SEMA4A: variants seen among roughly 807,000 people sequenced by gnomAD.
The protein encoded by SEMA4A is semaphorin 4A, also known as semaphorin-4A.
In SEMA4A, 52 loss-of-function variants were observed where a neutral mutation model predicts 72.5. That is an observed-to-expected ratio of 0.72 (90% confidence interval 0.57 to 0.90). The LOEUF (loss-of-function observed/expected upper bound fraction) is 0.90. SEMA4A is among the 40% of genes least tolerant of loss of function. SEMA4A has a pLI of 0.00. For synonymous variants in SEMA4A, 369 were observed against 393.1 expected (o/e 0.94, Z 0.73); for missense variants, 926 against 959.7 (o/e 0.96, Z 0.46).
intron 2 of SEMA4A, 161 bp from the exon 3 acceptor site, chr1:156,156,253 T>C: frequency 1.4e-6 from 1 of 698,606 alleles, no homozygotes; most frequent in East Asian, 2.8e-5. Flanking sequence ...TGTGTTGGGG[T>C]GGGGTGAAGG....
intron 6 of SEMA4A, 60 bp from the exon 7 acceptor site, chr1:156,160,383 G>A: frequency 7.6e-7 from 1 of 1,319,152 alleles, no homozygotes; most frequent in Non-Finnish European, 1.1e-6. Flanking sequence ...AGGCAGGTCT[G>A]TGGAGGGCAG....
At chr1:156,173,100 A>C in intron 11 of SEMA4A, 94 bp downstream of exon 11, 1 of 1,261,876 alleles carries the variant, frequency 7.9e-7, no homozygotes, top group Non-Finnish European at 1.1e-6. Flanking sequence ...TCACTTATTC[A>C]TTCAACAACT....
chr1:156,177,210 C>T lies in SEMA4A; in HGVS notation c.*213C>T. 1.6e-6 allele frequency: 1 copy of T among 634,138 alleles called. No homozygotes were observed. Among genetic ancestry groups the T allele is most frequent in the Admixed American group, 2.3e-5 (1 of 42,912 alleles). The allele number at this position is 634,138 out of a possible 1,614,324, so 39.3% of individuals were successfully genotyped here. A position where few individuals can be genotyped will look rare whatever the true frequency, so the allele number is the denominator to read the frequency against. ...GACTCCCTTCTACCAAGCACATGAG[C>T]TCTCTAACAGGGTGGGGGCTACCCC... On this transcript the variant is annotated 3_prime_UTR_variant, in exon 15 of 15. Transcript: ENST00000368285.
At chr1:156,163,779 G>A (rs1398169880) in intron 10 of SEMA4A, among the ~76,000 whole-genome samples, 1 of 145,684 alleles carries the variant, frequency 6.9e-6, no homozygotes, top group Non-Finnish European at 1.5e-5. Context: ...GCTCATGCCT[G>A]TAATCCCAGC....
At chr1:156,169,218 C>T (rs1654462809) in intron 10 of SEMA4A, among the ~76,000 whole-genome samples, 1 of 152,090 alleles carries the variant, frequency 6.6e-6, no homozygotes, top group South Asian at 2.1e-4. Context: ...TTTAGGAATC[C>T]TGCCTTCCAA....
chr1:156,161,127 G>T, intron 8 of SEMA4A, 98 bp downstream of exon 8: 4 of 1,330,360 alleles, frequency 3.0e-6, no homozygotes, highest in Non-Finnish European at 4.2e-6. Context: ...GAGAGCGGGG[G>T]AGCGGGGCGG....
At chr1:156,158,955 T>A in intron 6 of SEMA4A, 131 bp downstream of exon 6, 1 of 792,300 alleles carries the variant, frequency 1.3e-6, no homozygotes, top group African/African-American at 1.7e-5. Flanking sequence ...TGGTCCCAGT[T>A]ATTTGGAAGC....
At chr1:156,171,302 C>A (rs1383905321) in intron 10 of SEMA4A, among the ~76,000 whole-genome samples, 1 of 152,182 alleles carries the variant, frequency 6.6e-6, no homozygotes, top group Non-Finnish European at 1.5e-5. Flanking sequence ...GTCCCAGAGC[C>A]ACAGCATCCT....
At chr1:156,168,540 G>GTTC (rs556071844) in intron 10 of SEMA4A, among the ~76,000 whole-genome samples, 2 of 151,846 alleles carry the variant, frequency 1.3e-5, no homozygotes, top group African/African-American at 2.4e-5. Flanking sequence ...GTTTTTGTTG[G>GTTC]TTCTTCTTCT....
At chr1:156,156,267 G>A in intron 2 of SEMA4A, 147 bp from the exon 3 acceptor site, 1 of 739,830 alleles carries the variant, frequency 1.4e-6, no homozygotes, top group South Asian at 1.5e-5. Flanking sequence ...GTGAAGGGAA[G>A]AACTGCTGGT....
chr1:156,174,556 A>T (rs1655119761), intron 11 of SEMA4A, among the ~76,000 whole-genome samples: 1 of 152,200 alleles, frequency 6.6e-6, no homozygotes, highest in Admixed American at 6.5e-5. Flanking sequence ...CCACTGTTTC[A>T]TGCCTATGGA....
intron 10 of SEMA4A, among the ~76,000 whole-genome samples, chr1:156,168,878 C>A (rs1654435080): frequency 6.6e-6 from 1 of 152,196 alleles, no homozygotes; most frequent in Non-Finnish European, 1.5e-5. Flanking sequence ...GATGATCTGG[C>A]TCTTGGTGTC....
rs934372374 is a variant in SEMA4A, at chr1:156,157,193, C to CT, written c.300+630dup. 8.2e-4 allele frequency among the ~76,000 whole-genome samples: 119 copies of CT among 144,440 alleles called. No individual in the cohort carries two copies. The highest frequency in any genetic ancestry group is 7.7e-3 in the South Asian group (35 of 4,520). 94.8% of individuals were successfully genotyped at this position (144,440 alleles called of 152,430 possible). A position where few individuals can be genotyped will look rare whatever the true frequency, so the allele number is the denominator to read the frequency against. On this transcript the variant is annotated intron_variant, in intron 3 of 14. Coordinates refer to ENST00000368285, the MANE Select transcript of SEMA4A (RefSeq NM_022367.4). The surrounding 1 kb of genome is among the most constrained non-coding windows in gnomAD (Gnocchi z 4.5). ...GTAGAAATCACTGATGCTTCTGTGT[C>CT]TTTTTTTTTTTGAGATGGAGTCTCA...
upstream of SEMA4A, among the ~76,000 whole-genome samples, chr1:156,151,762 G>GGAGGT (rs1325207148): frequency 2.0e-5 from 3 of 150,496 alleles, no homozygotes; most frequent in Non-Finnish European, 4.4e-5. Context: ...CTTGAACCCG[G>GGAGGT]GAGGTGGAGG....
chr1:156,171,782 A>AATTT lies in SEMA4A; in HGVS notation c.1135-1035_1135-1032dup, dbSNP rs1378315661. On this transcript the variant is annotated intron_variant, in intron 10 of 14. Coordinates refer to ENST00000368285, the MANE Select transcript of SEMA4A (RefSeq NM_022367.4). ...TAATTAATTAATTAATTAATTAATT[A>AATTT]ATTTATTTATTTTGTTTTTGAGACC... Among the ~76,000 whole-genome samples, 126 of 147,362 alleles carry AATTT rather than the reference A, an allele frequency of 8.6e-4. 1 individual carries two copies. Among genetic ancestry groups the AATTT allele is most frequent in the East Asian group, 5.6e-3 (28 of 5,010 alleles).
In SEMA4A at chr1:156,156,046, G is replaced by A. The variant is rs1461854776; in HGVS notation, c.140-368G>A. On this transcript the variant is annotated intron_variant, in intron 2 of 14. Coordinates refer to ENST00000368285, the MANE Select transcript of SEMA4A (RefSeq NM_022367.4). ...GTCTGCATATAGCTTTGCTGCTTGTGGCTGCCAACACTTTCCTGTTTGTCT... is the reference window on the plus strand; with the variant it reads ...GTCTGCATATAGCTTTGCTGCTTGTAGCTGCCAACACTTTCCTGTTTGTCT... 10 of 350,772 alleles carry A rather than the reference G, an allele frequency of 2.9e-5. No homozygotes were observed. The East Asian group carries it at 7.2e-4, about 25-fold the overall frequency. 21.7% of individuals were successfully genotyped at this position (350,772 alleles called of 1,614,324 possible).
At chr1:156,169,749 C>T (rs999049985) in intron 10 of SEMA4A, among the ~76,000 whole-genome samples, 8 of 150,188 alleles carry the variant, frequency 5.3e-5, no homozygotes, top group South Asian at 2.2e-4. Flanking sequence ...ATTCCCTGGT[C>T]GGGCGTGGTG....
At position 156,158,768 on chromosome 1, in the gene SEMA4A, A is replaced by G. The variant is rs1653291338; in HGVS notation, c.512A>G (p.Glu171Gly). Residue 171 changes from glutamate to glycine, a missense_variant, in exon 6 of 15, where the codon GAG (glutamate) becomes GGG (glycine). Transcript: ENST00000368285. ...LLPISEDKVM[E>G]GKGQSPFDPA... is the part of the protein sequence containing the mutation. Reference sequence around the variant, plus strand: ...CCCATCTCGGAGGACAAGGTCATGGAGGGAAAAGGCCAAAGCCCCTTTGAC... The same window carrying G: ...CCCATCTCGGAGGACAAGGTCATGGGGGGAAAAGGCCAAAGCCCCTTTGAC... 1 of 1,613,806 alleles carries G rather than the reference A, an allele frequency of 6.2e-7. No individual in the cohort carries two copies. Among genetic ancestry groups the G allele is most frequent in the South Asian group, 1.1e-5 (1 of 91,056 alleles).
chr1:156,156,614 AG>A, intron 3 of SEMA4A, 40 bp downstream of exon 3: 6 of 1,610,158 alleles, frequency 3.7e-6, no homozygotes, highest in Non-Finnish European at 5.1e-6. Context: ...CTGGGAGTGA[AG>A]AGGGGGCCGG....
Sources: gnomAD v4.1 joint callset for allele counts (sites outside exome capture counted in the v4.1 genomes callset) on GRCh38, gnomAD v4.1.1 for gene constraint, Gnocchi (gnomAD v3.1) non-coding constraint, MANE v1.5 for transcripts, NCBI Gene and HGNC (gene_info 2026-07-23, HGNC 2026-07-21) for gene names.